Variants in SAMSN1 observed in about 807,000 individuals in gnomAD.
SAMSN1 encodes the protein SAM domain-containing protein SAMSN-1.
SAMSN1 carries 31 observed loss-of-function variants against 42.0 expected under a neutral mutation model. The observed-to-expected ratio is 0.74, with a 90% CI of 0.55 to 1.00. The LOEUF (loss-of-function observed/expected upper bound fraction) is 1.00. Ranked by LOEUF, SAMSN1 falls within the 50% of genes least tolerant of loss-of-function variation. The probability of loss-of-function intolerance (pLI) is 0.00; values close to 1 mark genes in which losing one functional copy is unlikely to be tolerated. For synonymous variants in SAMSN1, 178 were observed against 151.9 expected (o/e 1.17, Z -1.26); for missense variants, 464 against 439.4 (o/e 1.06, Z -0.50).
chr21:14,546,341 A>G, upstream of SAMSN1: 1 of 1,585,252 alleles, frequency 6.3e-7, no homozygotes, highest in South Asian at 1.2e-5. Context: ...TGTGCTGTCT[A>G]ATGCACAGCA....
chr21:14,490,889 A>T (rs886563864), intron 7 of SAMSN1, among the ~76,000 whole-genome samples: 6 of 152,140 alleles, frequency 3.9e-5, no homozygotes, highest in African/African-American at 1.4e-4. Context: ...TAGGAACTTC[A>T]GCAGAGGCAG....
chr21:14,640,573 A>G (rs1239902456), intron 2 of SAMSN1, among the ~76,000 whole-genome samples: 1 of 152,144 alleles, frequency 6.6e-6, no homozygotes, highest in Non-Finnish European at 1.5e-5. Flanking sequence ...AAAAAAATCT[A>G]TTCTTCAAAA....
chr21:14,587,636 T>A (rs1981956815), upstream of SAMSN1, among the ~76,000 whole-genome samples: 1 of 152,156 alleles, frequency 6.6e-6, no homozygotes, highest in South Asian at 2.1e-4. Flanking sequence ...ATCACTTATA[T>A]GCTAATGACT....
upstream of SAMSN1, among the ~76,000 whole-genome samples, chr21:14,550,674 T>C (rs1980565303): frequency 6.6e-6 from 1 of 152,116 alleles, no homozygotes. Context: ...GATGAGGTGA[T>C]GCCCAAACAA....
At position 14,510,338 on chromosome 21, in the gene SAMSN1, G is replaced by T; in HGVS notation, c.533C>A (p.Pro178His). ...ARVHTDFTPS[P>H]YDTDSLKIKK... ...GATTTTGAGGGAGTCAGTGTCATAGGGACTTGGCGTGAAATCCGTATGCAC... is the reference window on the plus strand; with the variant it reads ...GATTTTGAGGGAGTCAGTGTCATAGTGACTTGGCGTGAAATCCGTATGCAC... Residue 178 changes from proline to histidine, a missense_variant, in exon 5 of 8, where the codon CCC (proline) becomes CAC (histidine). Pro to His is a moderately conservative substitution (Grantham distance 77, BLOSUM62 -2). Coordinates refer to ENST00000400566, the MANE Select transcript of SAMSN1 (RefSeq NM_022136.5). The T allele has an allele frequency of 6.2e-7, 1 of 1,614,080 alleles. No individual in the cohort carries two copies. Among genetic ancestry groups the T allele is most frequent in the Admixed American group, 1.7e-5 (1 of 60,020 alleles).
At chr21:14,580,683 G>T (rs916466640) in intron 2 of SAMSN1, among the ~76,000 whole-genome samples, 1 of 152,216 alleles carries the variant, frequency 6.6e-6, no homozygotes, top group East Asian at 1.9e-4. Context: ...TTGAACACAA[G>T]TTACTTTAAT....
At chr21:14,577,279 TATATA>T (rs1474298510) in intron 2 of SAMSN1, among the ~76,000 whole-genome samples, 535 of 52,850 alleles carry the variant, frequency 0.01, 45 homozygotes, top group African/African-American at 0.022. Flanking sequence ...TATATATATA[TATATA>T]TTTTTTTTTT....
At chr21:14,547,970 A>G (rs1980474452), upstream of SAMSN1, among the ~76,000 whole-genome samples, 1 of 152,148 alleles carries the variant, frequency 6.6e-6, no homozygotes, top group African/African-American at 2.4e-5. Flanking sequence ...ACAGACAGAG[A>G]ACACTGGAAA....
At chr21:14,610,761 G>A (rs1348466734) in intron 4 of SAMSN1, among the ~76,000 whole-genome samples, 1 of 152,094 alleles carries the variant, frequency 6.6e-6, no homozygotes, top group Non-Finnish European at 1.5e-5. Context: ...CCCATATCAG[G>A]GAGTTCTAGT....
intron 2 of SAMSN1, among the ~76,000 whole-genome samples, chr21:14,578,143 T>A (rs1981568447): frequency 6.6e-6 from 1 of 152,202 alleles, no homozygotes; most frequent in Non-Finnish European, 1.5e-5. Flanking sequence ...ATTTTTCTAA[T>A]AGATATTAAT....
At chr21:14,518,990 T>G (rs1401475969) in intron 2 of SAMSN1, among the ~76,000 whole-genome samples, 1 of 152,176 alleles carries the variant, frequency 6.6e-6, no homozygotes, top group African/African-American at 2.4e-5. Context: ...ACCACACATA[T>G]TTTTCAGGTT....
At chr21:14,572,285 A>G (rs1392841672) in intron 2 of SAMSN1, among the ~76,000 whole-genome samples, 2 of 152,204 alleles carry the variant, frequency 1.3e-5, no homozygotes, top group Non-Finnish European at 2.9e-5. Flanking sequence ...AATTCCACAA[A>G]GAAATCTTTG....
At chr21:14,500,259 A>G (rs1987090050) in intron 6 of SAMSN1, among the ~76,000 whole-genome samples, 1 of 152,024 alleles carries the variant, frequency 6.6e-6, no homozygotes, top group Non-Finnish European at 1.5e-5. Context: ...ATTCTCCTAG[A>G]TATTTTTCAT....
chr21:14,506,244 T>C (rs1483449682), intron 5 of SAMSN1, among the ~76,000 whole-genome samples: 1 of 151,888 alleles, frequency 6.6e-6, no homozygotes, highest in Non-Finnish European at 1.5e-5. Flanking sequence ...TTAAATAAAA[T>C]TGAAACAAAA....
At chr21:14,569,141 T>A (rs1199396224) in intron 2 of SAMSN1, among the ~76,000 whole-genome samples, 2 of 146,276 alleles carry the variant, frequency 1.4e-5, no homozygotes, top group Non-Finnish European at 3.0e-5. Context: ...AAAAAAAAAA[T>A]AAAAATAGCT....
At chr21:14,547,719 A>G (rs1220773299), upstream of SAMSN1, among the ~76,000 whole-genome samples, 1 of 152,154 alleles carries the variant, frequency 6.6e-6, no homozygotes, top group Non-Finnish European at 1.5e-5. Flanking sequence ...TCATTTAACA[A>G]ATGAGATTCA....
chr21:14,517,999 G>A (rs916650016), intron 2 of SAMSN1, among the ~76,000 whole-genome samples: 1 of 152,160 alleles, frequency 6.6e-6, no homozygotes, highest in African/African-American at 2.4e-5. Flanking sequence ...AGCTCTTCAA[G>A]TGATTCTGAT....
upstream of SAMSN1, chr21:14,658,938 G>C (rs1389748472): frequency 1.7e-6 from 1 of 591,094 alleles, no homozygotes; most frequent in Non-Finnish European, 3.0e-6. Context: ...AATAATATAG[G>C]CTTTTGTTGA....
chr21:14,520,226 C>G (rs529712312), intron 2 of SAMSN1, among the ~76,000 whole-genome samples: 1 of 152,272 alleles, frequency 6.6e-6, no homozygotes, highest in South Asian at 2.1e-4. Context: ...GTGTATGTAG[C>G]ACTCACCAAT....
Sources: gnomAD v4.1 joint callset for allele counts (sites outside exome capture counted in the v4.1 genomes callset) on GRCh38, gnomAD v4.1.1 for gene constraint, MANE v1.5 for transcripts, NCBI Gene and HGNC (gene_info 2026-07-23, HGNC 2026-07-21) for gene names.